Variants in WDR64 observed in about 807,000 individuals in gnomAD.
The protein encoded by WDR64 is WD repeat domain 64.
A neutral mutation model predicts 139.3 loss-of-function variants in WDR64; 112 were observed. That is an observed-to-expected ratio of 0.80 (90% CI 0.69 to 0.94). WDR64 has a LOEUF of 0.94. Ranked by LOEUF, WDR64 falls within the 40% of genes least tolerant of loss-of-function variation. WDR64 has a pLI of 0.00. For synonymous variants in WDR64, 444 were observed against 437.7 expected (o/e 1.01, Z -0.18); for missense variants, 1,206 against 1,293.1 (o/e 0.93, Z 1.03).
At chr1:241,679,133 C>G (rs1666675308) in intron 5 of WDR64, among the ~76,000 whole-genome samples, 1 of 152,116 alleles carries the variant, frequency 6.6e-6, no homozygotes, top group Non-Finnish European at 1.5e-5. Flanking sequence ...CTCGAGAGCT[C>G]GCTTAATCAG....
intron 1 of WDR64, among the ~76,000 whole-genome samples, chr1:241,658,313 G>GTGTGTA (rs1491512365): frequency 1.3e-5 from 2 of 151,608 alleles, no homozygotes; most frequent in Admixed American, 6.6e-5. Context: ...GTGTGTGTGT[G>GTGTGTA]TATGTGTTTA....
rs756670191 is a variant in WDR64, at chr1:241,674,751, A to AT, written c.483+7dup. 5.7e-4 allele frequency: 856 copies of AT among 1,489,520 alleles called. 2 individuals carry two copies. The highest frequency in any genetic ancestry group is 6.9e-4 in the Non-Finnish European group (753 of 1,096,108). 92.3% of individuals were successfully genotyped at this position (1,489,520 alleles called of 1,614,324 possible). On this transcript the variant is annotated splice_donor_region_variant and intron_variant, in intron 4 of 27. Transcript: ENST00000437684. ...AATAACAGTTTTTAATAACCAGGTA[A>AT]TTTCTTTTTCTTTTTTTAACTGAAT...
intron 14 of WDR64, among the ~76,000 whole-genome samples, chr1:241,754,685 A>C (rs951972461): frequency 2.6e-5 from 4 of 152,038 alleles, no homozygotes; most frequent in Non-Finnish European, 5.9e-5. Context: ...CCCGTCATCT[A>C]CATTAGCCAT....
rs540843225 is a variant in WDR64, at chr1:241,793,026, A to G, written c.2998-2181A>G. Among the ~76,000 whole-genome samples, 14 of 152,358 alleles carry G rather than the reference A, an allele frequency of 9.2e-5. No homozygotes were observed. The East Asian group carries it at 2.7e-3, about 29-fold the overall frequency. ...CAAATCAATTATGACATATTCATAA[A>G]CTGGAATACTATAGACCTGTGAAAA... is the stretch of plus-strand genomic sequence containing the variant. On this transcript the variant is annotated intron_variant, in intron 25 of 27. Transcript: ENST00000437684.
At chr1:241,732,831 AAAAAAAC>A (rs1669136798) in intron 10 of WDR64, among the ~76,000 whole-genome samples, 1 of 148,492 alleles carries the variant, frequency 6.7e-6, no homozygotes. Flanking sequence ...AAAAAAAACC[AAAAAAAC>A]AAAAAAACAA....
intron 2 of WDR64, among the ~76,000 whole-genome samples, chr1:241,661,526 A>G (rs911414991): frequency 5.9e-5 from 9 of 152,302 alleles, no homozygotes; most frequent in Admixed American, 4.6e-4. Flanking sequence ...TCTATAATGT[A>G]GGAAAAGCTG....
Position 241,801,978 on chromosome 1 carries a change from A to G in WDR64, c.*763A>G, listed in dbSNP as rs1229552987. ...AGAAACACATCTAACATACAAGGAC[A>G]CCAAACTCTTAAAGATAAAAGAATG... On this transcript the variant is annotated 3_prime_UTR_variant, in exon 28 of 28. Transcript: ENST00000437684. The G allele has an allele frequency of 2.5e-6, 1 of 397,906 alleles. No individual in the cohort carries two copies. The highest frequency in any genetic ancestry group is 3.6e-5 in the East Asian group (1 of 27,936). 24.6% of individuals were successfully genotyped at this position (397,906 alleles called of 1,614,324 possible).
chr1:241,796,555 C>T (rs1224088324), intron 27 of WDR64, among the ~76,000 whole-genome samples, 185 bp downstream of exon 27: 6 of 151,428 alleles, frequency 4.0e-5, no homozygotes, highest in South Asian at 2.1e-4. Context: ...TGCAATGGCA[C>T]GATCTCAGCT....
intron 11 of WDR64, among the ~76,000 whole-genome samples, chr1:241,739,392 T>C (rs1283950786): frequency 6.6e-6 from 1 of 152,154 alleles, no homozygotes; most frequent in Admixed American, 6.6e-5. Flanking sequence ...AGGGAAGAGG[T>C]TGGTGCTATC....
At chr1:241,687,133 C>T (rs575271259) in intron 7 of WDR64, among the ~76,000 whole-genome samples, 4 of 152,026 alleles carry the variant, frequency 2.6e-5, no homozygotes, top group East Asian at 3.9e-4. Context: ...TATGAAACCC[C>T]GTCTCTACTA....
intron 1 of WDR64, among the ~76,000 whole-genome samples, chr1:241,655,342 T>C (rs573399490): frequency 6.6e-6 from 1 of 152,246 alleles, no homozygotes; most frequent in Admixed American, 6.5e-5. Context: ...TGAGCCAAGA[T>C]CGCACCACTG....
intron 7 of WDR64, 123 bp from the exon 8 acceptor site, chr1:241,687,338 G>A (rs1667044839): frequency 1.8e-6 from 2 of 1,103,290 alleles, no homozygotes; most frequent in African/African-American, 3.2e-5. Flanking sequence ...ATAATGCATT[G>A]GGCTGTATTC....
rs550523163 is a variant in WDR64 at position 241,681,689 on chromosome 1, G to A, written c.625-1798G>A. 2.0e-5 allele frequency among the ~76,000 whole-genome samples: 3 copies of A among 152,186 alleles called. No homozygotes were observed. The South Asian group carries it at 6.2e-4, about 32-fold the overall frequency. ...GTAGTTCTACTTTTAGTTCTTTAAG[G>A]AATCTCCATACTGTTTTCCACAGTG... On this transcript the variant is annotated intron_variant, in intron 6 of 27. Coordinates refer to ENST00000437684, the MANE Select transcript of WDR64 (RefSeq NM_001367482.1).
chr1:241,711,456 G>A (rs1187538375), intron 8 of WDR64, among the ~76,000 whole-genome samples: 1 of 152,126 alleles, frequency 6.6e-6, no homozygotes, highest in Non-Finnish European at 1.5e-5. Context: ...CTGGCATTAT[G>A]TGCTACCCAA....
rs1558523528 is a variant in WDR64 at position 241,783,271 on chromosome 1, G to C, written c.2596-1G>C. 3.1e-6 allele frequency: 5 copies of C among 1,612,394 alleles called. No homozygotes were observed. The highest frequency in any genetic ancestry group is 4.2e-6 in the Non-Finnish European group (5 of 1,179,344). ...GAATATGCCTTGTTTTTGCTATCTA[G>C]AAATTCAAGCAGCTGCTTTCCTGGC... On this transcript the variant is annotated splice_acceptor_variant, in intron 22 of 27. Transcript: ENST00000437684. LOFTEE classifies it high-confidence loss of function.
intron 15 of WDR64, among the ~76,000 whole-genome samples, chr1:241,765,337 T>A (rs1022348783): frequency 2.0e-5 from 3 of 152,182 alleles, no homozygotes; most frequent in Admixed American, 1.3e-4. Context: ...ATTAGGTCAC[T>A]AGCATTGAGA....
In WDR64 at chr1:241,674,751, A is replaced by G; in HGVS notation, c.483+4A>G. On this transcript the variant is annotated splice_donor_region_variant and intron_variant, in intron 4 of 27. Transcript: ENST00000437684. ...AATAACAGTTTTTAATAACCAGGTA[A>G]TTTCTTTTTCTTTTTTTAACTGAAT... 3 of 1,491,720 alleles carry G rather than the reference A, an allele frequency of 2.0e-6. No individual in the cohort carries two copies. Among genetic ancestry groups the G allele is most frequent in the Non-Finnish European group, 2.7e-6 (3 of 1,097,876 alleles). 92.4% of individuals were successfully genotyped at this position (1,491,720 alleles called of 1,614,324 possible). A position where few individuals can be genotyped will look rare whatever the true frequency, so the allele number is the denominator to read the frequency against.
intron 10 of WDR64, among the ~76,000 whole-genome samples, chr1:241,731,407 T>C (rs959455193): frequency 1.3e-5 from 2 of 152,134 alleles, no homozygotes; most frequent in South Asian, 4.1e-4. Flanking sequence ...TGTAAGCTCT[T>C]TATATGTATG....
chr1:241,668,139 G>A (rs548296512), intron 2 of WDR64, among the ~76,000 whole-genome samples: 23 of 152,310 alleles, frequency 1.5e-4, no homozygotes, highest in African/African-American at 5.5e-4. Context: ...AGATGGGAGA[G>A]ATCTGTACTT....
Sources: gnomAD v4.1 joint callset for allele counts (sites outside exome capture counted in the v4.1 genomes callset) on GRCh38, gnomAD v4.1.1 for gene constraint, MANE v1.5 for transcripts, NCBI Gene and HGNC (gene_info 2026-07-23, HGNC 2026-07-21) for gene names.